Variants in MYO6 observed in about 807,000 individuals in gnomAD.
MYO6 encodes myosin VI.
Under a neutral mutation model 178.7 loss-of-function variants are expected in MYO6, and 74 were observed. The ratio of observed to expected loss-of-function variants is 0.41; its 90% CI spans 0.34 to 0.50. MYO6 has a LOEUF of 0.50. MYO6 is among the 20% of genes least tolerant of loss of function. The pLI is 0.09. For missense variants in MYO6, 1,330 were observed against 1,547.4 expected, an observed-to-expected ratio of 0.86 and a Z score of 2.36; for synonymous variants, 477 against 504.6, an observed-to-expected ratio of 0.95 and a Z score of 0.73.
At chr6:75,799,371 C>T (rs947487185) in intron 1 of MYO6, among the ~76,000 whole-genome samples, 1 of 141,256 alleles carries the variant, frequency 7.1e-6, no homozygotes, top group African/African-American at 2.7e-5. Flanking sequence ...CCCCGGACGA[C>T]AAGAGCAAAA....
At chr6:75,760,842 T>C (rs1457096200) in intron 1 of MYO6, among the ~76,000 whole-genome samples, 4 of 152,132 alleles carry the variant, frequency 2.6e-5, no homozygotes, top group Non-Finnish European at 5.9e-5. Flanking sequence ...GGAATCAGTA[T>C]CCCGCAGGAG....
At chr6:75,827,251 G>A (rs912103314) in intron 3 of MYO6, among the ~76,000 whole-genome samples, 1 of 152,210 alleles carries the variant, frequency 6.6e-6, no homozygotes, top group Non-Finnish European at 1.5e-5. Flanking sequence ...GTGAGAATGG[G>A]TAAGTGTCAT....
intron 29 of MYO6, among the ~76,000 whole-genome samples, chr6:75,895,758 C>T (rs1440107237): frequency 1.3e-5 from 2 of 152,032 alleles, no homozygotes; most frequent in African/African-American, 4.8e-5. Context: ...CCTCGTGATC[C>T]ACCCGCCTCG....
chr6:75,839,605 G>A (rs905187917), intron 7 of MYO6, among the ~76,000 whole-genome samples: 1 of 152,086 alleles, frequency 6.6e-6, no homozygotes. Context: ...CACTAATTTG[G>A]TATGTTTGTA....
intron 30 of MYO6, among the ~76,000 whole-genome samples, chr6:75,901,863 G>A (rs1318949179): frequency 6.6e-6 from 1 of 152,290 alleles, no homozygotes; most frequent in South Asian, 2.1e-4. Flanking sequence ...CTGTGGGTTT[G>A]TCATAGATAG....
chr6:75,906,473 C>G (rs1000265391), intron 30 of MYO6, among the ~76,000 whole-genome samples: 1 of 151,946 alleles, frequency 6.6e-6, no homozygotes, highest in African/African-American at 2.4e-5. Flanking sequence ...CTCAGGAGTT[C>G]GAGACCAGCC....
At chr6:75,786,585 G>T (rs1218015350) in intron 1 of MYO6, among the ~76,000 whole-genome samples, 1 of 152,046 alleles carries the variant, frequency 6.6e-6, no homozygotes, top group Non-Finnish European at 1.5e-5. Flanking sequence ...TTTCTTTGTA[G>T]TATTCCTATA....
At chr6:75,790,548 A>G (rs562073159) in intron 1 of MYO6, among the ~76,000 whole-genome samples, 1 of 151,882 alleles carries the variant, frequency 6.6e-6, no homozygotes, top group South Asian at 2.1e-4. Flanking sequence ...CCCCTGGCTT[A>G]TTTTTAAATT....
chr6:75,849,872 C>G (rs985407417), intron 11 of MYO6, among the ~76,000 whole-genome samples: 1 of 151,896 alleles, frequency 6.6e-6, no homozygotes, highest in Non-Finnish European at 1.5e-5. Context: ...GCAAAGGAGA[C>G]GGGAATTTAC....
chr6:75,822,973 C>A, intron 3 of MYO6, 122 bp downstream of exon 3: 2 of 747,570 alleles, frequency 2.7e-6, no homozygotes, highest in Non-Finnish European at 4.6e-6. Context: ...AGTCTTTTGA[C>A]ATGAATATTC....
At chr6:75,838,675 T>G (rs1350093838) in intron 7 of MYO6, among the ~76,000 whole-genome samples, 1 of 151,712 alleles carries the variant, frequency 6.6e-6, no homozygotes, top group Non-Finnish European at 1.5e-5. Flanking sequence ...TTCTTGTTTT[T>G]TTTTGAGTTG....
intron 1 of MYO6, among the ~76,000 whole-genome samples, chr6:75,766,747 A>AT (rs1467627883): frequency 6.6e-6 from 1 of 152,186 alleles, no homozygotes; most frequent in African/African-American, 2.4e-5. Context: ...TTTATGTGTT[A>AT]TTGTATGCTT....
At chr6:75,910,024 A>C (rs1780641199) in intron 32 of MYO6, among the ~76,000 whole-genome samples, 1 of 152,194 alleles carries the variant, frequency 6.6e-6, no homozygotes. Flanking sequence ...GTCAGAATAC[A>C]GGACTATGCA....
chr6:75,892,650 C>A lies in MYO6; in HGVS notation c.3067C>A (p.Leu1023Ile), dbSNP rs964559811. 1 of 1,612,696 alleles carries A rather than the reference C, an allele frequency of 6.2e-7. No individual in the cohort carries two copies. Among genetic ancestry groups the A allele is most frequent in the Non-Finnish European group, 8.5e-7 (1 of 1,180,014 alleles). Reference sequence around the variant, plus strand: ...GAGGATTGCCCAGAGTGAAGCCGAGCTCATCAGTGATGAGGCCCAGGCCGA... The same window carrying A: ...GAGGATTGCCCAGAGTGAAGCCGAGATCATCAGTGATGAGGCCCAGGCCGA... ...ALRIAQSEAE[L>I]ISDEAQADLA... Residue 1023 changes from leucine to isoleucine, a missense_variant, in exon 28 of 35, where the codon CTC becomes ATC. Coordinates refer to ENST00000369977, the MANE Select transcript of MYO6 (RefSeq NM_004999.4).
At chr6:75,806,567 C>T (rs184967113) in intron 1 of MYO6, among the ~76,000 whole-genome samples, 64 of 152,296 alleles carry the variant, frequency 4.2e-4, no homozygotes, top group African/African-American at 1.5e-3. Flanking sequence ...AGCACTGTGA[C>T]ATGTTCATGA....
At chr6:75,771,088 G>A (rs1421878757) in intron 1 of MYO6, among the ~76,000 whole-genome samples, 1 of 149,926 alleles carries the variant, frequency 6.7e-6, no homozygotes, top group Non-Finnish European at 1.5e-5. Context: ...TTGCAGCCTC[G>A]ACCTCCTGGG....
At chr6:75,776,272 A>G (rs1220084197) in intron 1 of MYO6, among the ~76,000 whole-genome samples, 4 of 152,202 alleles carry the variant, frequency 2.6e-5, no homozygotes, top group African/African-American at 9.7e-5. Context: ...TGTTTTCTCC[A>G]AATATAAATT....
chr6:75,882,723 T>C (rs1024160361), intron 23 of MYO6, among the ~76,000 whole-genome samples: 5 of 146,154 alleles, frequency 3.4e-5, no homozygotes, highest in African/African-American at 1.2e-4. Context: ...GGCAATAACA[T>C]ATATATAGGC....
chr6:75,880,430 T>C (rs1359660235), intron 22 of MYO6, among the ~76,000 whole-genome samples: 1 of 152,218 alleles, frequency 6.6e-6, no homozygotes, highest in African/African-American at 2.4e-5. Flanking sequence ...ACAGTTGTCC[T>C]GGGCCACACA....
Sources: gnomAD v4.1 joint callset for allele counts (sites outside exome capture counted in the v4.1 genomes callset) on GRCh38, gnomAD v4.1.1 for gene constraint, MANE v1.5 for transcripts, NCBI Gene and HGNC (gene_info 2026-07-23, HGNC 2026-07-21) for gene names.